The following EDA variants were observed in gnomAD, a reference collection of about 807,000 sequenced individuals.
EDA encodes ectodysplasin-A.
Under a neutral mutation model 23.6 loss-of-function variants are expected in EDA, and 2 were observed. That is an observed-to-expected ratio of 0.08 (90% CI 0.03 to 0.27). The LOEUF is 0.27. EDA is among the 10% of genes least tolerant of loss of function. The pLI, the probability that EDA is intolerant of heterozygous loss-of-function variation, is 1.00. For synonymous variants in EDA, 131 were observed against 132.0 expected, an observed-to-expected ratio of 0.99 and a Z score of 0.05; for missense variants, 229 against 324.2, an observed-to-expected ratio of 0.71 and a Z score of 2.26.
chrX:69,834,697 C>T (rs1239508882), intron 1 of EDA, among the ~76,000 whole-genome samples: 1 of 111,143 alleles, frequency 9.0e-6, no homozygotes. Context: ...TTAACTGGGG[C>T]ATTTAGCCCA....
intron 1 of EDA, among the ~76,000 whole-genome samples, chrX:69,956,162 T>C (rs2018996921): frequency 9.0e-6 from 1 of 111,248 alleles, no homozygotes; most frequent in African/African-American, 3.3e-5. Flanking sequence ...TACCTCAGTA[T>C]TGGATGCACA....
chrX:69,737,276 G>C (rs2013297592), intron 1 of EDA, among the ~76,000 whole-genome samples: 1 of 111,770 alleles, frequency 8.9e-6, no homozygotes, highest in Admixed American at 9.5e-5. Context: ...CTACCATTTT[G>C]CTACTTGTAT....
In EDA at chrX:69,616,345, C is replaced by T. The variant is rs989560564; in HGVS notation, c.37C>T (p.Pro13Ser). 2.5e-6 allele frequency: 3 copies of T among 1,203,284 alleles called. No individual in the cohort carries two copies. Among genetic ancestry groups the T allele is most frequent in the African/African-American group, 3.5e-5 (2 of 57,491 alleles). Reference sequence around the variant, plus strand: ...GGAGGTGGAGCGCAGGGAACTCCTGCCTGCAGCAGCGCCGCGGGAGCGAGG... The same window carrying T: ...GGAGGTGGAGCGCAGGGAACTCCTGTCTGCAGCAGCGCCGCGGGAGCGAGG... ...YPEVERRELL[P>S]AAAPRERGSQ... Residue 13 changes from proline (P) to serine (S), a missense_variant, in exon 1 of 8, where the codon CCT becomes TCT. By Grantham distance (74) the Pro-to-Ser change is moderately conservative. Around this residue, in one of 2 missense-constraint regions of EDA, gnomAD observed 54 missense variants for 42.4 expected, o/e 1.27. Transcript: ENST00000374552.
intron 1 of EDA, among the ~76,000 whole-genome samples, chrX:69,778,976 A>G (rs2014865338): frequency 1.8e-5 from 2 of 111,737 alleles, no homozygotes; most frequent in Non-Finnish European, 3.8e-5. Context: ...GTAGCCATAC[A>G]CAGTACATAA....
intron 1 of EDA, among the ~76,000 whole-genome samples, chrX:69,888,978 T>TTTATATA (rs2017876013): frequency 6.2e-5 from 1 of 16,030 alleles, no homozygotes; most frequent in African/African-American, 2.3e-4. Flanking sequence ...TGTGGGGTAG[T>TTTATATA]TATATATATA....
chrX:69,633,789 TGG>T (rs1932694825), intron 1 of EDA, among the ~76,000 whole-genome samples: 1 of 112,683 alleles, frequency 8.9e-6, no homozygotes, highest in African/African-American at 3.2e-5. Context: ...GTTTCCACCT[TGG>T]GGTATTATGA....
chrX:69,961,069 C>A (rs974414398), intron 2 of EDA, among the ~76,000 whole-genome samples: 1 of 110,536 alleles, frequency 9.0e-6, no homozygotes, highest in Non-Finnish European at 1.9e-5. Context: ...AAGTCTAGAC[C>A]CTACTTCATT....
intron 2 of EDA, among the ~76,000 whole-genome samples, chrX:69,967,998 A>G (rs952377805): frequency 9.0e-6 from 1 of 111,664 alleles, no homozygotes; most frequent in African/African-American, 3.3e-5. Context: ...AGAGGAGGAG[A>G]AGAGAGGAAT....
chrX:69,668,492 T>C (rs986683554), intron 1 of EDA, among the ~76,000 whole-genome samples: 6 of 111,941 alleles, frequency 5.4e-5, no homozygotes, highest in Admixed American at 1.9e-4. Context: ...AGAAGTACAA[T>C]TTAAATCCAG....
chrX:69,938,745 T>C (rs1359520250), intron 1 of EDA, among the ~76,000 whole-genome samples: 1 of 112,367 alleles, frequency 8.9e-6, no homozygotes, highest in Non-Finnish European at 1.9e-5. Flanking sequence ...TAGATTTAAG[T>C]CTTTAATCCA....
chrX:69,739,552 G>A (rs1029815621), intron 1 of EDA, among the ~76,000 whole-genome samples: 2 of 110,418 alleles, frequency 1.8e-5, no homozygotes, highest in South Asian at 7.5e-4. Flanking sequence ...TGTCTTCTTT[G>A]TTCCTCTATT....
At chrX:69,828,380 A>C (rs747398333) in intron 1 of EDA, among the ~76,000 whole-genome samples, 15 of 112,626 alleles carry the variant, frequency 1.3e-4, no homozygotes, top group African/African-American at 4.8e-4. Context: ...CCTCCGAGTC[A>C]GGTGTGGGAT....
intron 1 of EDA, among the ~76,000 whole-genome samples, chrX:69,707,520 C>A (rs974858891): frequency 2.7e-5 from 3 of 111,533 alleles, no homozygotes; most frequent in Non-Finnish European, 5.7e-5. Flanking sequence ...TAGTTTGGGA[C>A]CCCTTGTTTT....
chrX:69,907,811 G>T (rs987819313), intron 1 of EDA, among the ~76,000 whole-genome samples: 3 of 111,064 alleles, frequency 2.7e-5, no homozygotes, highest in Non-Finnish European at 5.7e-5. Context: ...GCTCAAGTTA[G>T]ATGAGAAATT....
chrX:69,635,033 T>C (rs1405241475), intron 1 of EDA, among the ~76,000 whole-genome samples: 1 of 112,434 alleles, frequency 8.9e-6, no homozygotes, highest in African/African-American at 3.2e-5. Flanking sequence ...CTAGGAGCAA[T>C]AGGCTATACC....
At chrX:69,847,489 A>G (rs1308721189) in intron 1 of EDA, among the ~76,000 whole-genome samples, 1 of 111,055 alleles carries the variant, frequency 9.0e-6, no homozygotes, top group Middle Eastern at 4.3e-3. Flanking sequence ...CCTTACTACT[A>G]CCAACCACTG....
chrX:69,997,376 T>G (rs183249842), intron 2 of EDA, among the ~76,000 whole-genome samples: 16 of 111,856 alleles, frequency 1.4e-4, no homozygotes, highest in African/African-American at 4.9e-4. Context: ...TTTGAACTTG[T>G]GAGAGATGAT....
At chrX:69,684,364 G>A (rs925616673) in intron 1 of EDA, among the ~76,000 whole-genome samples, 2 of 110,998 alleles carry the variant, frequency 1.8e-5, no homozygotes, top group Non-Finnish European at 3.8e-5. Flanking sequence ...TAAGTCTTGA[G>A]GGCATCAACA....
chrX:69,762,624 GT>G (rs967171828), intron 1 of EDA, among the ~76,000 whole-genome samples: 2 of 111,105 alleles, frequency 1.8e-5, no homozygotes, highest in African/African-American at 3.3e-5. Flanking sequence ...TAGAAGCAGT[GT>G]TTTTTTTACA....
Sources: allele counts gnomAD v4.1 joint callset (sites outside exome capture counted in the v4.1 genomes callset), GRCh38; gene constraint gnomAD v4.1.1; regional missense constraint gnomAD v4.1.1; transcripts MANE v1.5; gene names NCBI Gene and HGNC (gene_info 2026-07-23, HGNC 2026-07-21).